The following ULK4 variants were observed in gnomAD, a reference collection of about 807,000 sequenced individuals.
The protein encoded by ULK4 is unc-51 like kinase 4, also known as inactive serine/threonine-protein kinase ULK4.
ULK4 carries 133 observed loss-of-function variants against 160.6 expected under a neutral mutation model. That is an observed-to-expected ratio of 0.83 (90% CI 0.72 to 0.96). The LOEUF (loss-of-function observed/expected upper bound fraction) is 0.96. Ranked by LOEUF, ULK4 falls within the 40% of genes least tolerant of loss-of-function variation. The pLI, the probability that ULK4 is intolerant of heterozygous loss-of-function variation, is 0.00. For missense variants in ULK4, 1,580 were observed against 1,499.5 expected (o/e 1.05, Z -0.89); for synonymous variants, 534 against 539.8 (o/e 0.99, Z 0.15).
intron 31 of ULK4, among the ~76,000 whole-genome samples, chr3:41,588,699 A>AAAT (rs539580986): frequency 2.6e-5 from 4 of 152,224 alleles, no homozygotes; most frequent in African/African-American, 9.6e-5. Context: ...CAATAGACAC[A>AAAT]AATAATAATA....
At chr3:41,915,453 C>A (rs1415040688) in intron 8 of ULK4, 1 of 153,534 alleles carries the variant, frequency 6.5e-6, no homozygotes, top group African/African-American at 2.4e-5. Context: ...TCCTAGCCTC[C>A]CCTACCCTGT....
chr3:41,256,445 T>C (rs1382968172), intron 35 of ULK4, among the ~76,000 whole-genome samples: 1 of 152,188 alleles, frequency 6.6e-6, no homozygotes, highest in Non-Finnish European at 1.5e-5. Context: ...ACACAAATTA[T>C]TGTTAAAATT....
At chr3:41,731,299 C>G (rs2037813470) in intron 22 of ULK4, among the ~76,000 whole-genome samples, 1 of 151,976 alleles carries the variant, frequency 6.6e-6, no homozygotes, top group Non-Finnish European at 1.5e-5. Flanking sequence ...CCAAAAAACT[C>G]TTACAAATAT....
At chr3:41,901,334 T>C (rs1698352207) in intron 12 of ULK4, among the ~76,000 whole-genome samples, 1 of 151,018 alleles carries the variant, frequency 6.6e-6, no homozygotes, top group Non-Finnish European at 1.5e-5. Flanking sequence ...CGCCTGCCAC[T>C]GTGCCTGGCT....
At chr3:41,852,374 T>C (rs2042238320) in intron 17 of ULK4, among the ~76,000 whole-genome samples, 2 of 152,180 alleles carry the variant, frequency 1.3e-5, no homozygotes, top group Non-Finnish European at 2.9e-5. Context: ...GTCAAGAAAT[T>C]AGGTATCGAA....
intron 18 of ULK4, among the ~76,000 whole-genome samples, chr3:41,823,380 C>T (rs6790732): frequency 0.31 from 47,626 of 151,864 alleles, 10,928 homozygotes; most frequent in African/African-American, 0.65. Context: ...CAAAAGGGCC[C>T]AGAAGGTAAT....
chr3:41,306,639 G>T (rs1266956722), intron 35 of ULK4, among the ~76,000 whole-genome samples: 5 of 152,030 alleles, frequency 3.3e-5, no homozygotes, highest in Non-Finnish European at 7.4e-5. Context: ...ACCCCGTCTG[G>T]GAGGTGTGCC....
intron 17 of ULK4, among the ~76,000 whole-genome samples, chr3:41,863,609 G>A (rs1175772090): frequency 6.6e-6 from 1 of 151,980 alleles, no homozygotes; most frequent in East Asian, 1.9e-4. Context: ...AATGTAATAT[G>A]GGGGTATCAC....
chr3:41,330,014 G>C (rs1399832021), intron 35 of ULK4, among the ~76,000 whole-genome samples: 5 of 152,152 alleles, frequency 3.3e-5, no homozygotes, highest in African/African-American at 9.7e-5. Flanking sequence ...AGGCCTAGTG[G>C]TTCCTCTCTA....
chr3:41,863,741 T>C (rs1051620194), intron 17 of ULK4, among the ~76,000 whole-genome samples: 1 of 151,932 alleles, frequency 6.6e-6, no homozygotes, highest in Non-Finnish European at 1.5e-5. Context: ...AAATACCATC[T>C]GGGAGCCAGG....
chr3:41,820,486 C>G (rs537162321), intron 18 of ULK4, among the ~76,000 whole-genome samples: 1 of 152,102 alleles, frequency 6.6e-6, no homozygotes, highest in Non-Finnish European at 1.5e-5. Context: ...TGCAGCAACA[C>G]GGATGCAGCT....
chr3:41,745,072 C>G (rs11914503), intron 22 of ULK4, among the ~76,000 whole-genome samples: 17,106 of 150,792 alleles, frequency 0.11, 3,385 homozygotes, highest in African/African-American at 0.39. Context: ...ATCTGAGAGA[C>G]AGAGTTATAG....
At chr3:41,332,703 G>A (rs2080471813) in intron 35 of ULK4, among the ~76,000 whole-genome samples, 2 of 152,140 alleles carry the variant, frequency 1.3e-5, no homozygotes, top group East Asian at 3.9e-4. Flanking sequence ...TTTGTTATGT[G>A]AACATATTGT....
intron 32 of ULK4, among the ~76,000 whole-genome samples, chr3:41,552,372 C>T (rs1247439401): frequency 2.6e-5 from 4 of 151,828 alleles, no homozygotes; most frequent in Non-Finnish European, 5.9e-5. Context: ...CTAAACACTC[C>T]AACCAAAAAC....
intron 17 of ULK4, 56 bp downstream of exon 17, chr3:41,883,818 G>A: frequency 6.9e-7 from 1 of 1,438,934 alleles, no homozygotes; most frequent in Admixed American, 1.7e-5. Context: ...CTAAATTACA[G>A]AATCAAGAAC....
chr3:41,631,748 T>C (rs1158246020), intron 30 of ULK4, among the ~76,000 whole-genome samples: 1 of 151,338 alleles, frequency 6.6e-6, no homozygotes. Context: ...AAAGGAGAAA[T>C]GGGAAAGCTG....
chr3:41,681,906 G>A (rs1460195645), intron 27 of ULK4, 102 bp from the exon 28 acceptor site: 20 of 1,254,062 alleles, frequency 1.6e-5, no homozygotes, highest in Non-Finnish European at 2.0e-5. Flanking sequence ...AATCAAAGGA[G>A]TGAAAAAAAG....
intron 31 of ULK4, among the ~76,000 whole-genome samples, chr3:41,574,815 G>A (rs756989927): frequency 6.6e-6 from 1 of 152,092 alleles, no homozygotes; most frequent in East Asian, 1.9e-4. Flanking sequence ...CAAAGTGCTG[G>A]GATTACAGGC....
intron 35 of ULK4, among the ~76,000 whole-genome samples, chr3:41,345,867 C>T (rs1196073467): frequency 6.6e-6 from 1 of 152,054 alleles, no homozygotes; most frequent in Non-Finnish European, 1.5e-5. Context: ...ACATTATCTG[C>T]CCCCAGTGGG....
Sources: allele counts gnomAD v4.1 joint callset (sites outside exome capture counted in the v4.1 genomes callset), GRCh38; gene constraint gnomAD v4.1.1; transcripts MANE v1.5; gene names NCBI Gene and HGNC (gene_info 2026-07-23, HGNC 2026-07-21).